The following GRM7 variants were observed in gnomAD, a reference collection of about 807,000 sequenced individuals.
The protein encoded by GRM7 is glutamate metabotropic receptor 7.
A neutral mutation model predicts 84.5 loss-of-function variants in GRM7; 35 were observed. The ratio of observed to expected loss-of-function variants is 0.41; its 90% CI spans 0.32 to 0.55. The LOEUF is 0.55. Among genes scored for constraint, GRM7 ranks in the 20% least tolerant of loss-of-function variants. The pLI is 0.19. For missense variants in GRM7, 1,003 were observed against 1,194.6 expected (o/e 0.84, Z 2.36); for synonymous variants, 487 against 455.1 (o/e 1.07, Z -0.89).
At chr3:6,864,985 T>A (rs537715256) in intron 1 of GRM7, among the ~76,000 whole-genome samples, 11 of 152,194 alleles carry the variant, frequency 7.2e-5, no homozygotes, top group Non-Finnish European at 1.5e-4. Context: ...ACTGAGTGGG[T>A]TAGTACGATG....
At chr3:7,490,384 A>G (rs1699476487) in intron 7 of GRM7, among the ~76,000 whole-genome samples, 1 of 152,098 alleles carries the variant, frequency 6.6e-6, no homozygotes, top group Admixed American at 6.6e-5. Flanking sequence ...ATTCTCCTTT[A>G]AACCTCCCCC....
rs1702679639 is a variant in GRM7, at chr3:7,741,027, AG to A, written c.*622del. The A allele has an allele frequency of 6.6e-6, 1 of 152,420 alleles. No homozygotes were observed. The highest frequency in any genetic ancestry group is 1.9e-4 in the East Asian group (1 of 5,176). 9.4% of individuals were successfully genotyped at this position (152,420 alleles called of 1,614,324 possible). A position where few individuals can be genotyped will look rare whatever the true frequency, so the allele number is the denominator to read the frequency against. ...CATGTTTTTTTTTTTAAGACAAAAAAGATGTTTAAAGACCAAAAACTGTGCT... is the reference window on the plus strand; with the variant it reads ...CATGTTTTTTTTTTTAAGACAAAAAAATGTTTAAAGACCAAAAACTGTGCT... On this transcript the variant is annotated 3_prime_UTR_variant, in exon 10 of 10. Coordinates refer to ENST00000357716, the MANE Select transcript of GRM7 (RefSeq NM_000844.4).
Position 7,397,307 on chromosome 3 carries a change from A to G in GRM7, c.1034-17716A>G, listed in dbSNP as rs1309393175. ...ACAATTTACATGAATTTTTGCATCA[A>G]TTTTTCACCATTAGAAGAAAGTTCT... On this transcript the variant is annotated intron_variant, in intron 4 of 9. Coordinates refer to ENST00000357716, the MANE Select transcript of GRM7 (RefSeq NM_000844.4). Among the ~76,000 whole-genome samples the G allele has an allele frequency of 2.0e-5, 3 of 152,156 alleles. No homozygotes were observed. In the East Asian group the frequency reaches 5.8e-4, roughly 29 times the overall value.
At chr3:7,553,555 G>A (rs1693599564) in intron 7 of GRM7, among the ~76,000 whole-genome samples, 1 of 152,166 alleles carries the variant, frequency 6.6e-6, no homozygotes, top group South Asian at 2.1e-4. Flanking sequence ...TCACAGTTCA[G>A]CATGGCTGGG....
At chr3:7,404,435 C>T (rs966345772) in intron 4 of GRM7, among the ~76,000 whole-genome samples, 1 of 152,172 alleles carries the variant, frequency 6.6e-6, no homozygotes, top group Non-Finnish European at 1.5e-5. Flanking sequence ...AACTAACCAT[C>T]AGGCTTCTTC....
At chr3:7,570,345 A>G (rs1694584569) in intron 7 of GRM7, among the ~76,000 whole-genome samples, 2 of 152,200 alleles carry the variant, frequency 1.3e-5, no homozygotes, top group African/African-American at 4.8e-5. Flanking sequence ...TCTGCTTATG[A>G]GCCTGTAAAA....
chr3:7,295,829 G>C (rs907582335), intron 2 of GRM7, among the ~76,000 whole-genome samples: 105 of 141,094 alleles, frequency 7.4e-4, no homozygotes, highest in African/African-American at 2.9e-3. Flanking sequence ...CTTTTTTTTG[G>C]GGGGGGGATT....
At chr3:7,048,498 A>G (rs1257241645) in intron 1 of GRM7, among the ~76,000 whole-genome samples, 1 of 151,922 alleles carries the variant, frequency 6.6e-6, no homozygotes, top group African/African-American at 2.4e-5. Flanking sequence ...TTAAAGAAAA[A>G]AAAAAGATGC....
At chr3:7,302,410 A>G (rs1700033513) in intron 3 of GRM7, among the ~76,000 whole-genome samples, 1 of 152,138 alleles carries the variant, frequency 6.6e-6, no homozygotes, top group East Asian at 1.9e-4. Flanking sequence ...TATAACCTCC[A>G]AATTTTACAT....
intron 7 of GRM7, chr3:7,560,317 C>T (rs1047277837): frequency 2.0e-5 from 3 of 152,058 alleles, no homozygotes; most frequent in African/African-American, 7.2e-5. Flanking sequence ...GCTCCCATAT[C>T]CTCCTCACTC....
intron 1 of GRM7, among the ~76,000 whole-genome samples, chr3:6,962,111 T>C (rs888287770): frequency 2.6e-4 from 40 of 152,312 alleles, no homozygotes; most frequent in Admixed American, 6.5e-4. Flanking sequence ...TTCATTACCT[T>C]ATGCATACTT....
chr3:7,733,082 G>A (rs1051300878), intron 9 of GRM7, among the ~76,000 whole-genome samples: 1 of 152,054 alleles, frequency 6.6e-6, no homozygotes, highest in African/African-American at 2.4e-5. Context: ...TGTTTTGGTG[G>A]GATTTGGCCT....
intron 7 of GRM7, among the ~76,000 whole-genome samples, chr3:7,494,654 C>G (rs1475989980): frequency 6.6e-6 from 1 of 152,096 alleles, no homozygotes; most frequent in East Asian, 1.9e-4. Flanking sequence ...AGTCTGTTGT[C>G]TGTTTTTACA....
At chr3:7,053,938 A>G (rs557046865) in intron 1 of GRM7, among the ~76,000 whole-genome samples, 5 of 151,066 alleles carry the variant, frequency 3.3e-5, no homozygotes, top group South Asian at 2.1e-4. Context: ...AAATCTGTAA[A>G]TCATACAAAC....
chr3:7,660,335 G>C (rs1194374500), intron 8 of GRM7, among the ~76,000 whole-genome samples: 1 of 152,148 alleles, frequency 6.6e-6, no homozygotes, highest in Non-Finnish European at 1.5e-5. Flanking sequence ...AAAAACATCT[G>C]ACTTGAATTT....
At chr3:7,380,486 G>T (rs986702012) in intron 4 of GRM7, among the ~76,000 whole-genome samples, 1 of 152,140 alleles carries the variant, frequency 6.6e-6, no homozygotes, top group Non-Finnish European at 1.5e-5. Context: ...GTGCATCATT[G>T]GTTGATTCTG....
At chr3:7,502,643 A>T (rs1279814683) in intron 7 of GRM7, among the ~76,000 whole-genome samples, 2 of 151,988 alleles carry the variant, frequency 1.3e-5, no homozygotes, top group Admixed American at 6.5e-5. Context: ...TAGATTCACT[A>T]TTTTTTCTGT....
intron 4 of GRM7, among the ~76,000 whole-genome samples, chr3:7,389,715 C>T (rs138066244): frequency 6.6e-6 from 1 of 151,868 alleles, no homozygotes; most frequent in East Asian, 1.9e-4. Flanking sequence ...GATAAATCTT[C>T]ATCCCTTTAC....
At chr3:7,300,918 G>C (rs1575139137) in intron 3 of GRM7, among the ~76,000 whole-genome samples, 1 of 152,112 alleles carries the variant, frequency 6.6e-6, no homozygotes, top group East Asian at 1.9e-4. Context: ...CTATTATAGG[G>C]CTCAGGACAT....
Sources: allele counts gnomAD v4.1 joint callset (sites outside exome capture counted in the v4.1 genomes callset), GRCh38; gene constraint gnomAD v4.1.1; transcripts MANE v1.5; gene names NCBI Gene and HGNC (gene_info 2026-07-23, HGNC 2026-07-21).